TSPAN9: variants seen among roughly 807,000 people sequenced by gnomAD.
The protein encoded by TSPAN9 is tetraspanin 9.
TSPAN9 carries 16 observed loss-of-function variants against 31.0 expected under a neutral mutation model. The observed-to-expected ratio is 0.52, with a 90% confidence interval of 0.35 to 0.78. The LOEUF is 0.78. Among genes scored for constraint, TSPAN9 ranks in the 30% least tolerant of loss-of-function variants. The pLI is 0.01. For missense variants in TSPAN9, 272 were observed against 312.5 expected (o/e 0.87, Z 0.98); for synonymous variants, 145 against 121.6 (o/e 1.19, Z -1.27).
chr12:3,198,456 G>C (rs1157778696), intron 2 of TSPAN9, among the ~76,000 whole-genome samples: 6 of 91,006 alleles, frequency 6.6e-5, no homozygotes, highest in South Asian at 3.4e-4. Flanking sequence ...ACCAGCACAG[G>C]CCACCACCAG....
intron 2 of TSPAN9, among the ~76,000 whole-genome samples, chr12:3,159,586 G>A (rs1423786755): frequency 2.0e-5 from 3 of 152,128 alleles, no homozygotes; most frequent in Non-Finnish European, 4.4e-5. Context: ...GATATTAGGG[G>A]CCTGGCACCA....
At chr12:3,150,644 G>C (rs1298879533) in intron 2 of TSPAN9, among the ~76,000 whole-genome samples, 1 of 152,202 alleles carries the variant, frequency 6.6e-6, no homozygotes. Flanking sequence ...TAAGTGAGGA[G>C]AGTATGCTTT....
intron 2 of TSPAN9, among the ~76,000 whole-genome samples, chr12:3,179,381 T>A (rs1253975386): frequency 6.6e-6 from 1 of 152,170 alleles, no homozygotes; most frequent in Non-Finnish European, 1.5e-5. Context: ...CTCTGTCTTC[T>A]GCAGGCTTCC....
At position 3,204,232 on chromosome 12, in the gene TSPAN9, G is replaced by GT. The variant is rs1440727546; in HGVS notation, c.63+2977dup. On this transcript the variant is annotated intron_variant, in intron 3 of 8. Coordinates refer to ENST00000011898, the MANE Select transcript of TSPAN9 (RefSeq NM_006675.5). ...TCCCATAGATCCCGGAGCCTACCAGGTATTTCTCCAAACTCACCGCTGCCG... is the reference window on the plus strand; with the variant it reads ...TCCCATAGATCCCGGAGCCTACCAGGTTATTTCTCCAAACTCACCGCTGCCG... 3.3e-5 allele frequency among the ~76,000 whole-genome samples: 5 copies of GT among 152,196 alleles called. No homozygotes were observed. The East Asian group carries it at 9.6e-4, about 29-fold the overall frequency.
chr12:3,274,307 A>G (rs1862742907), intron 3 of TSPAN9, among the ~76,000 whole-genome samples: 1 of 152,230 alleles, frequency 6.6e-6, no homozygotes, highest in South Asian at 2.1e-4. Flanking sequence ...ACTGCGCCAG[A>G]GGGACCTAAG....
intron 2 of TSPAN9, among the ~76,000 whole-genome samples, chr12:3,127,780 A>G (rs1029968492): frequency 6.6e-6 from 1 of 152,212 alleles, no homozygotes; most frequent in African/African-American, 2.4e-5. Flanking sequence ...CCATAATTGT[A>G]TGTGCTGTGG....
chr12:3,152,453 T>C (rs2153968712), intron 2 of TSPAN9, among the ~76,000 whole-genome samples: 1 of 152,334 alleles, frequency 6.6e-6, no homozygotes, highest in African/African-American at 2.4e-5. Context: ...TCCCCTGAGA[T>C]CTAGTTCCTG....
intron 2 of TSPAN9, among the ~76,000 whole-genome samples, chr12:3,119,643 C>T (rs2098324160): frequency 6.6e-6 from 1 of 152,224 alleles, no homozygotes; most frequent in Admixed American, 6.5e-5. Context: ...GAATGCACCC[C>T]CGCTCCTCTC....
chr12:3,152,862 A>C (rs1221521549), intron 2 of TSPAN9, among the ~76,000 whole-genome samples: 1 of 152,232 alleles, frequency 6.6e-6, no homozygotes, highest in Non-Finnish European at 1.5e-5. Flanking sequence ...TGCTGAGATT[A>C]CAGGTGTGAG....
intron 3 of TSPAN9, among the ~76,000 whole-genome samples, chr12:3,207,050 G>C (rs1265843191): frequency 6.6e-6 from 1 of 152,110 alleles, no homozygotes; most frequent in Non-Finnish European, 1.5e-5. Flanking sequence ...AGAAACAAAG[G>C]GTCGTGCCAG....
At chr12:3,231,310 CCTGT>C (rs1355768037) in intron 3 of TSPAN9, among the ~76,000 whole-genome samples, 1 of 152,112 alleles carries the variant, frequency 6.6e-6, no homozygotes, top group Non-Finnish European at 1.5e-5. Flanking sequence ...CCTCAGAATT[CCTGT>C]CAGTTCACTT....
intron 3 of TSPAN9, among the ~76,000 whole-genome samples, chr12:3,208,627 C>T (rs868186728): frequency 2.0e-5 from 3 of 152,128 alleles, no homozygotes; most frequent in South Asian, 2.1e-4. Flanking sequence ...GCTCCAGGTC[C>T]GGGTCACTTT....
intron 2 of TSPAN9, among the ~76,000 whole-genome samples, chr12:3,131,322 G>A (rs2098329750): frequency 6.6e-6 from 1 of 152,188 alleles, no homozygotes; most frequent in African/African-American, 2.4e-5. Context: ...ACTTGGTTGA[G>A]CCTGGACATG....
chr12:3,094,603 C>T (rs895074477), intron 2 of TSPAN9, among the ~76,000 whole-genome samples: 6 of 148,448 alleles, frequency 4.0e-5, no homozygotes, highest in Admixed American at 6.8e-5. Context: ...GTGGTGCAGT[C>T]TCGGCTCACC....
At chr12:3,231,291 C>G (rs1310355247) in intron 3 of TSPAN9, among the ~76,000 whole-genome samples, 1 of 152,110 alleles carries the variant, frequency 6.6e-6, no homozygotes, top group African/African-American at 2.4e-5. Context: ...GGCACTGCCC[C>G]TTTTTGGGCC....
chr12:3,090,823 G>A (rs1019530705), intron 2 of TSPAN9, among the ~76,000 whole-genome samples: 1 of 152,032 alleles, frequency 6.6e-6, no homozygotes, highest in Admixed American at 6.5e-5. Flanking sequence ...AGACCCCACC[G>A]ATCTTTGGAA....
intron 2 of TSPAN9, among the ~76,000 whole-genome samples, chr12:3,090,175 G>A (rs979060918): frequency 2.0e-5 from 3 of 151,954 alleles, no homozygotes; most frequent in African/African-American, 7.3e-5. Context: ...CGTTCTTTAG[G>A]CATCTTTTCA....
chr12:3,270,395 G>A (rs1231202118), intron 3 of TSPAN9, among the ~76,000 whole-genome samples: 1 of 152,190 alleles, frequency 6.6e-6, no homozygotes, highest in African/African-American at 2.4e-5. Context: ...TCTGGTCCTT[G>A]CTATCTAGGC....
In TSPAN9 at chr12:3,170,297, T is replaced by G. The variant is rs147709379; in HGVS notation, c.-17-30880T>G. 6.9e-4 allele frequency among the ~76,000 whole-genome samples: 105 copies of G among 152,258 alleles called. No homozygotes were observed. Among genetic ancestry groups the G allele is most frequent in the African/African-American group, 2.5e-3 (104 of 41,532 alleles). ...GCTCAGTATTTTCCTTCCTTTTCCA[T>G]GGAGACAGATTTTGCAGTTACTCCA... On this transcript the variant is annotated intron_variant, in intron 2 of 8. Transcript: ENST00000011898. This position sits in a 1 kb window ranked among gnomAD's most constrained non-coding sequence, Gnocchi z 4.4.
Sources: gnomAD v4.1 joint callset for allele counts (sites outside exome capture counted in the v4.1 genomes callset) on GRCh38, gnomAD v4.1.1 for gene constraint, Gnocchi (gnomAD v3.1) non-coding constraint, MANE v1.5 for transcripts, NCBI Gene and HGNC (gene_info 2026-07-23, HGNC 2026-07-21) for gene names.